HMCN2: variants seen among roughly 807,000 people sequenced by gnomAD.
HMCN2 encodes hemicentin 2.
In HMCN2, 325 loss-of-function variants were observed where a neutral mutation model predicts 377.5. The ratio of observed to expected loss-of-function variants is 0.86; its 90% CI spans 0.79 to 0.94. The LOEUF is 0.94. Ranked by LOEUF, HMCN2 falls within the 40% of genes least tolerant of loss-of-function variation. The pLI, the probability that HMCN2 is intolerant of heterozygous loss-of-function variation, is 0.00. For synonymous variants in HMCN2, 2,007 were observed against 2,046.8 expected, an observed-to-expected ratio of 0.98 and a Z score of 0.53; for missense variants, 4,543 against 4,725.3, an observed-to-expected ratio of 0.96 and a Z score of 1.13.
intron 22 of HMCN2, among the ~76,000 whole-genome samples, chr9:130,329,248 TTTCGTGTCTGGC>T (rs1838296220): frequency 6.6e-6 from 1 of 152,194 alleles, no homozygotes; most frequent in African/African-American, 2.4e-5. Flanking sequence ...ACATGGGGCC[TTTCGTGTCTGGC>T]TTCTGTCACC....
chr9:130,351,441 C>T lies in HMCN2; in HGVS notation c.4449C>T (p.Gly1483=), dbSNP rs1437881403. ...TKDRQPVLPG[G]PHLQVQEDGQ... is the part of the protein sequence containing the mutation. ...TCTCCAGGCCTGTCCTTCCGGGAGG[C>T]CCTCACCTGCAGGTCCAGGAGGATG... The change falls in exon 30 of 98, where the codon GGC becomes GGT. Residue 1483 remains glycine (G), a synonymous_variant. Transcript: ENST00000683500. The surrounding 1 kb of genome is among the most constrained non-coding windows in gnomAD (Gnocchi z 5.4). The T allele has an allele frequency of 2.3e-6, 3 of 1,304,156 alleles. No individual in the cohort carries two copies. Among genetic ancestry groups the T allele is most frequent in the Non-Finnish European group, 3.0e-6 (3 of 988,868 alleles). 80.8% of individuals were successfully genotyped at this position (1,304,156 alleles called of 1,614,324 possible).
intron 15 of HMCN2, among the ~76,000 whole-genome samples, chr9:130,314,297 G>T (rs1425789807): frequency 2.6e-5 from 4 of 152,228 alleles, no homozygotes; most frequent in Non-Finnish European, 4.4e-5. Flanking sequence ...TCTCCATCAG[G>T]CATAGCAGGC....
intron 24 of HMCN2, among the ~76,000 whole-genome samples, chr9:130,342,052 TAA>T (rs1491143041): frequency 1.4e-5 from 2 of 145,776 alleles, no homozygotes; most frequent in Non-Finnish European, 3.1e-5. Context: ...AATAAATAAA[TAA>T]ATAAATAAAA....
At chr9:130,382,082 C>A (rs1841752940) in intron 54 of HMCN2, 102 bp from the exon 55 acceptor site, 1 of 293,956 alleles carries the variant, frequency 3.4e-6, no homozygotes, top group Non-Finnish European at 5.1e-6. Context: ...GAGGCAGGGA[C>A]AGTCACATGT....
rs989527288 is a variant in HMCN2 at position 130,375,554 on chromosome 9, C to T, written c.7631-9C>T. 35 of 985,770 alleles carry T rather than the reference C, an allele frequency of 3.6e-5. No individual in the cohort carries two copies. Among genetic ancestry groups the T allele is most frequent in the Non-Finnish European group, 4.2e-5 (35 of 829,962 alleles). 61.1% of individuals were successfully genotyped at this position (985,770 alleles called of 1,614,324 possible). ...TGCTCATAACTGCCTCCCTGGCCCC[C>T]CATCACAGTGGCTCCCACCATCCTG... On this transcript the variant is annotated splice_polypyrimidine_tract_variant and intron_variant, in intron 49 of 97. Coordinates refer to ENST00000683500, the MANE Select transcript of HMCN2 (RefSeq NM_001291815.2).
chr9:130,344,248 T>C (rs894425028), intron 25 of HMCN2, among the ~76,000 whole-genome samples: 1 of 152,004 alleles, frequency 6.6e-6, no homozygotes, highest in African/African-American at 2.4e-5. Flanking sequence ...GAGGGGGGTG[T>C]GCATGTGTGT....
chr9:130,430,284 A>T lies in HMCN2; in HGVS notation c.14327A>T (p.Asp4776Val). Residue 4776 changes from aspartate to valine, a missense_variant and splice_region_variant, in exon 95 of 98, where the codon GAT (aspartate) becomes GTT (valine). This residue lies in a region of HMCN2 where 1,155 missense variants were observed against 1,157.7 expected (regional missense o/e 1.00). Coordinates refer to ENST00000683500, the MANE Select transcript of HMCN2 (RefSeq NM_001291815.2). ...CACACCTGACCCCACCCGTCTGCAG[A>T]TGTCAATGAGTGCCTGCAGCTGCCC... ...RMQGPSLPCL[D>V]VNECLQLPKA... The T allele has an allele frequency of 6.5e-7, 1 of 1,535,486 alleles. No individual in the cohort carries two copies. Among genetic ancestry groups the T allele is most frequent in the Non-Finnish European group, 8.7e-7 (1 of 1,144,270 alleles).
chr9:130,423,817 G>T lies in HMCN2; in HGVS notation c.13382-959G>T, dbSNP rs1844157830. Among the ~76,000 whole-genome samples, 1 of 152,184 alleles carries T rather than the reference G, an allele frequency of 6.6e-6. No individual in the cohort carries two copies. Among genetic ancestry groups the T allele is most frequent in the Non-Finnish European group, 1.5e-5 (1 of 68,028 alleles). On this transcript the variant is annotated intron_variant, in intron 87 of 97. Transcript: ENST00000683500. This position sits in a 1 kb window ranked among gnomAD's most constrained non-coding sequence, Gnocchi z 5.5. ...TTCAAACGGTTTGGAACAAACCGGG[G>T]CTGGTCCAGAAGGGATCTGCAAGTT...
At chr9:130,408,954 T>G in intron 84 of HMCN2, 21 bp downstream of exon 84, 1 of 1,281,224 alleles carries the variant, frequency 7.8e-7, no homozygotes, top group Non-Finnish European at 1.0e-6. Flanking sequence ...GCCTGGCACC[T>G]TGGGTGGGGC....
chr9:130,283,794 A>G (rs2900287), intron 1 of HMCN2, among the ~76,000 whole-genome samples: 118,543 of 152,070 alleles, frequency 0.78, 46,556 homozygotes, highest in East Asian at 0.89. Context: ...TGAATTTACC[A>G]GTTTGTTTAT....
chr9:130,398,615 G>C lies in HMCN2; in HGVS notation c.11391G>C (p.Leu3797=). 1 of 1,287,686 alleles carries C rather than the reference G, an allele frequency of 7.8e-7. No homozygotes were observed. Among genetic ancestry groups the C allele is most frequent in the Non-Finnish European group, 1.0e-6 (1 of 987,338 alleles). The allele number at this position is 1,287,686 out of a possible 1,614,324, so 79.8% of individuals were successfully genotyped here. The part of the protein sequence containing the change: ...LTLTAHTPAL[L]PCEASGSPKP... ...TGACCGCCCACACCCCAGCCTTGCT[G>C]CCCTGCGAGGCCAGCGGCTCCCCTA... The change falls in exon 75 of 98, where the codon CTG becomes CTC. Residue 3797 remains leucine, a synonymous_variant. Coordinates refer to ENST00000683500, the MANE Select transcript of HMCN2 (RefSeq NM_001291815.2).
At position 130,433,343 on chromosome 9, in the gene HMCN2, C is replaced by T; in HGVS notation, c.14895-5C>T. 3.5e-6 allele frequency: 5 copies of T among 1,440,772 alleles called. No individual in the cohort carries two copies. The highest frequency in any genetic ancestry group is 3.6e-6 in the Non-Finnish European group (4 of 1,105,054). The allele number at this position is 1,440,772 out of a possible 1,614,324, so 89.2% of individuals were successfully genotyped here. On this transcript the variant is annotated splice_region_variant and splice_polypyrimidine_tract_variant and intron_variant, in intron 97 of 97. Coordinates refer to ENST00000683500, the MANE Select transcript of HMCN2 (RefSeq NM_001291815.2). The stretch of plus-strand genomic sequence containing the variant: ...CGCCTGTCCGTGTGTCTGTGCCGCC[C>T]GCAGGACGTGCTTCCGGCGCTGCTC...
chr9:130,358,617 A>G, intron 36 of HMCN2, 131 bp downstream of exon 36: 1 of 768,936 alleles, frequency 1.3e-6, no homozygotes, highest in African/African-American at 1.8e-5. Flanking sequence ...TTAACTTCAG[A>G]GGAAGTAGAA....
intron 5 of HMCN2, among the ~76,000 whole-genome samples, chr9:130,295,398 T>C (rs549008105): frequency 4.5e-4 from 69 of 151,770 alleles, no homozygotes; most frequent in African/African-American, 1.6e-3. Flanking sequence ...TCAGGGGAAG[T>C]GTGATTCAGA....
At position 130,360,723 on chromosome 9, in the gene HMCN2, G is replaced by A. The variant is rs1406654865; in HGVS notation, c.5950+119G>A. 6 of 436,156 alleles carry A rather than the reference G, an allele frequency of 1.4e-5. No homozygotes were observed. Among genetic ancestry groups the A allele is most frequent in the Non-Finnish European group, 2.3e-5 (6 of 259,498 alleles). 27.0% of individuals were successfully genotyped at this position (436,156 alleles called of 1,614,324 possible). A position where few individuals can be genotyped will look rare whatever the true frequency, so the allele number is the denominator to read the frequency against. ...CATCCATCTACCACCCCATCCATCC[G>A]TTACCCCATCCATCCATCATCCATC... On this transcript the variant is annotated intron_variant, in intron 38 of 97. Coordinates refer to ENST00000683500, the MANE Select transcript of HMCN2 (RefSeq NM_001291815.2). This position sits in a 1 kb window ranked among gnomAD's most constrained non-coding sequence, Gnocchi z 4.7.
chr9:130,306,680 A>G, intron 12 of HMCN2, 131 bp from the exon 13 acceptor site: 3 of 359,010 alleles, frequency 8.4e-6, no homozygotes, highest in Non-Finnish European at 1.7e-5. Context: ...TAAAGTGCTT[A>G]GCACAGGCCT....
intron 96 of HMCN2, 33 bp downstream of exon 96, chr9:130,431,519 C>G (rs185370769): frequency 1.3e-6 from 2 of 1,543,424 alleles, no homozygotes; most frequent in South Asian, 2.4e-5. Context: ...CCCAAACACC[C>G]GTGGGGCTAG....
At chr9:130,334,558 T>G (rs1401376401) in intron 22 of HMCN2, among the ~76,000 whole-genome samples, 2 of 150,658 alleles carry the variant, frequency 1.3e-5, no homozygotes, top group Admixed American at 6.6e-5. Context: ...AGTTTTTTTT[T>G]TTTTTTTTTT....
rs369176462 is a variant in HMCN2 at position 130,397,180 on chromosome 9, A to C, written c.11199-348A>C. Among the ~76,000 whole-genome samples, 4 of 152,342 alleles carry C rather than the reference A, an allele frequency of 2.6e-5. No individual in the cohort carries two copies. The South Asian group carries it at 6.2e-4, about 24-fold the overall frequency. On this transcript the variant is annotated intron_variant, in intron 73 of 97. Coordinates refer to ENST00000683500, the MANE Select transcript of HMCN2 (RefSeq NM_001291815.2). ...GAGGCCTCACAATCATGGTGGAAGG[A>C]AAGGAGGAACAAGTTACATCTTACG...
Sources: gnomAD v4.1 joint callset for allele counts (sites outside exome capture counted in the v4.1 genomes callset) on GRCh38, gnomAD v4.1.1 for gene constraint, gnomAD v4.1.1 regional missense constraint, Gnocchi (gnomAD v3.1) non-coding constraint, MANE v1.5 for transcripts, NCBI Gene and HGNC (gene_info 2026-07-23, HGNC 2026-07-21) for gene names.